Variants in HS3ST4 observed in about 807,000 individuals in gnomAD.
HS3ST4 encodes the protein heparan sulfate-glucosamine 3-sulfotransferase 4.
Under a neutral mutation model 29.2 loss-of-function variants are expected in HS3ST4, and 17 were observed. That is an observed-to-expected ratio of 0.58 (90% CI 0.40 to 0.87). The LOEUF is 0.87. HS3ST4 is among the 40% of genes least tolerant of loss of function. The pLI is 0.00. For synonymous variants in HS3ST4, 314 were observed against 285.7 expected (o/e 1.10, Z -1.00); for missense variants, 627 against 634.5 (o/e 0.99, Z 0.13).
At chr16:25,750,075 G>C (rs948195303) in intron 1 of HS3ST4, among the ~76,000 whole-genome samples, 13 of 152,178 alleles carry the variant, frequency 8.5e-5, no homozygotes, top group African/African-American at 3.1e-4. Flanking sequence ...TGGTGTCTTA[G>C]ATGGAAAATC....
intron 1 of HS3ST4, among the ~76,000 whole-genome samples, chr16:25,771,140 G>A (rs891424695): frequency 6.6e-6 from 1 of 151,892 alleles, no homozygotes. Context: ...CCCTTCCCTT[G>A]CCCCCCACAC....
At chr16:25,993,861 A>G (rs1969134657) in intron 1 of HS3ST4, among the ~76,000 whole-genome samples, 1 of 151,978 alleles carries the variant, frequency 6.6e-6, no homozygotes, top group Admixed American at 6.6e-5. Context: ...GAAGTCCAAG[A>G]TCAAGGTGCT....
chr16:26,071,756 A>T (rs527598904), intron 1 of HS3ST4, among the ~76,000 whole-genome samples: 1 of 152,294 alleles, frequency 6.6e-6, no homozygotes, highest in South Asian at 2.1e-4. Context: ...AGGGTATAAC[A>T]TTGAAGGGAG....
At chr16:25,914,008 T>A (rs531651757) in intron 1 of HS3ST4, among the ~76,000 whole-genome samples, 6 of 136,306 alleles carry the variant, frequency 4.4e-5, no homozygotes, top group African/African-American at 1.7e-4. Context: ...GGTGTATGTG[T>A]GTGTATGTGG....
intron 1 of HS3ST4, among the ~76,000 whole-genome samples, chr16:25,886,186 C>T (rs1003424618): frequency 1.3e-5 from 2 of 151,888 alleles, no homozygotes; most frequent in South Asian, 2.1e-4. Context: ...GTGCGTGCCA[C>T]CATGCCTGGC....
At chr16:26,023,048 AAAG>A (rs903693898) in intron 1 of HS3ST4, among the ~76,000 whole-genome samples, 27 of 152,302 alleles carry the variant, frequency 1.8e-4, no homozygotes, top group Non-Finnish European at 2.6e-4. Context: ...ATCTCAAAAA[AAAG>A]AAGAAGAAAA....
intron 1 of HS3ST4, among the ~76,000 whole-genome samples, chr16:26,040,284 G>A (rs1812848913): frequency 6.7e-6 from 1 of 148,996 alleles, no homozygotes. Context: ...ATTGCTGTCA[G>A]TATCTTTCTT....
chr16:25,719,393 T>G, intron 1 of HS3ST4, among the ~76,000 whole-genome samples: 1 of 152,078 alleles, frequency 6.6e-6, no homozygotes, highest in East Asian at 1.9e-4. Flanking sequence ...CAATCACAAT[T>G]TAGCTTAATA....
chr16:25,878,377 C>T (rs1203141174), intron 1 of HS3ST4, among the ~76,000 whole-genome samples: 1 of 152,072 alleles, frequency 6.6e-6, no homozygotes, highest in Admixed American at 6.6e-5. Context: ...TCTAAATTCC[C>T]ATCACTTCTC....
intron 1 of HS3ST4, among the ~76,000 whole-genome samples, chr16:25,754,462 T>C (rs1966742899): frequency 6.6e-6 from 1 of 151,538 alleles, no homozygotes; most frequent in Non-Finnish European, 1.5e-5. Flanking sequence ...CATCTACCCA[T>C]CCATCCACCC....
At chr16:25,704,184 C>T (rs1311025713) in intron 1 of HS3ST4, among the ~76,000 whole-genome samples, 2 of 152,216 alleles carry the variant, frequency 1.3e-5, no homozygotes, top group Non-Finnish European at 2.9e-5. Context: ...AGAACCCTCA[C>T]ATTTCTTGGG....
At chr16:25,697,190 A>G (rs1397849427) in intron 1 of HS3ST4, among the ~76,000 whole-genome samples, 1 of 152,230 alleles carries the variant, frequency 6.6e-6, no homozygotes, top group African/African-American at 2.4e-5. Flanking sequence ...AATAAGATAG[A>G]TGAAGCACCT....
intron 1 of HS3ST4, among the ~76,000 whole-genome samples, chr16:25,745,634 C>G (rs1175307673): frequency 1.3e-5 from 2 of 152,128 alleles, no homozygotes; most frequent in African/African-American, 4.8e-5. Context: ...GGGCATAAAA[C>G]ATTTGTATCA....
chr16:25,891,632 C>T (rs751011192), intron 1 of HS3ST4, among the ~76,000 whole-genome samples: 11 of 152,242 alleles, frequency 7.2e-5, no homozygotes, highest in Middle Eastern at 3.4e-3. Flanking sequence ...CATAGCATCA[C>T]GTACTCTAGG....
At chr16:25,715,068 A>T (rs1214219397) in intron 1 of HS3ST4, among the ~76,000 whole-genome samples, 9 of 151,646 alleles carry the variant, frequency 5.9e-5, no homozygotes, top group Admixed American at 2.0e-4. Flanking sequence ...CACGCCTGTA[A>T]TCCCAGCACT....
chr16:25,900,764 C>G (rs542092546), intron 1 of HS3ST4, among the ~76,000 whole-genome samples: 33 of 152,228 alleles, frequency 2.2e-4, no homozygotes, highest in Admixed American at 1.9e-3. Context: ...CCCCCAAACT[C>G]CCGGCACTGT....
intron 1 of HS3ST4, among the ~76,000 whole-genome samples, chr16:25,769,621 G>C (rs775365754): frequency 6.6e-6 from 1 of 152,178 alleles, no homozygotes; most frequent in Non-Finnish European, 1.5e-5. Flanking sequence ...CCCTTCCTAC[G>C]GAAAGGATTT....
At chr16:25,714,978 G>T (rs1205442005) in intron 1 of HS3ST4, among the ~76,000 whole-genome samples, 3 of 152,202 alleles carry the variant, frequency 2.0e-5, no homozygotes, top group Non-Finnish European at 4.4e-5. Flanking sequence ...CTAAGTTCTT[G>T]GGAGAGACCT....
chr16:25,963,263 C>T (rs1267290800), intron 1 of HS3ST4, among the ~76,000 whole-genome samples: 1 of 151,600 alleles, frequency 6.6e-6, no homozygotes, highest in Non-Finnish European at 1.5e-5. Context: ...CCACATCTGT[C>T]TTTTTTTTTC....
Sources: gnomAD v4.1 joint callset for allele counts (sites outside exome capture counted in the v4.1 genomes callset) on GRCh38, gnomAD v4.1.1 for gene constraint, MANE v1.5 for transcripts, NCBI Gene and HGNC (gene_info 2026-07-23, HGNC 2026-07-21) for gene names.